The following JHY variants were observed in gnomAD, a reference collection of about 807,000 sequenced individuals.
JHY encodes the protein junctional cadherin complex regulator.
A neutral mutation model predicts 78.0 loss-of-function variants in JHY; 69 were observed. That is an observed-to-expected ratio of 0.88 (90% confidence interval 0.73 to 1.08). The LOEUF (loss-of-function observed/expected upper bound fraction) is 1.08, where lower values mean the gene tolerates loss of function less well. Ranked by LOEUF, JHY falls within the 50% of genes least tolerant of loss-of-function variation. The probability of loss-of-function intolerance (pLI) is 0.00; values close to 1 mark genes in which losing one functional copy is unlikely to be tolerated. For synonymous variants in JHY, 368 were observed against 342.6 expected (o/e 1.07, Z -0.82); for missense variants, 944 against 927.8 (o/e 1.02, Z -0.23).
chr11:122,889,558 C>A (rs1227813812), intron 2 of JHY, among the ~76,000 whole-genome samples: 1 of 152,032 alleles, frequency 6.6e-6, no homozygotes, highest in Non-Finnish European at 1.5e-5. Flanking sequence ...AAATATTACC[C>A]CAATTTATAA....
Position 122,935,164 on chromosome 11 carries a change from T to A in JHY, c.1634+89T>A. On this transcript the variant is annotated intron_variant, in intron 5 of 8. Coordinates refer to ENST00000227349, the MANE Select transcript of JHY (RefSeq NM_024806.4). This position sits in a 1 kb window ranked among gnomAD's most constrained non-coding sequence, Gnocchi z 4.5. ...GGGAGAGGAAGAAGGGGAAGGGGAA[T>A]CCATAAGGTGGCTAGGTGAGAAGAA... is the stretch of plus-strand genomic sequence containing the variant. The A allele has an allele frequency of 8.3e-7, 1 of 1,207,086 alleles. No individual in the cohort carries two copies. The highest frequency in any genetic ancestry group is 1.1e-6 in the Non-Finnish European group (1 of 875,154). The allele number at this position is 1,207,086 out of a possible 1,614,324, so 74.8% of individuals were successfully genotyped here.
intron 5 of JHY, among the ~76,000 whole-genome samples, chr11:122,938,986 CTT>C (rs61703024): frequency 1.6e-4 from 21 of 133,856 alleles, no homozygotes; most frequent in African/African-American, 3.8e-4. Flanking sequence ...CCTGCTTCTT[CTT>C]TTTTTTTTTT....
chr11:122,910,755 A>G (rs1454417932), intron 3 of JHY, among the ~76,000 whole-genome samples: 1 of 152,190 alleles, frequency 6.6e-6, no homozygotes, highest in Admixed American at 6.5e-5. Context: ...CACACCCCTG[A>G]TTGCTAACCT....
intron 3 of JHY, among the ~76,000 whole-genome samples, chr11:122,922,670 G>C (rs374915465): frequency 1.3e-4 from 20 of 151,840 alleles, no homozygotes; most frequent in Middle Eastern, 6.8e-3. Flanking sequence ...ATTAGCCGGG[G>C]GTGGTGGCAG....
chr11:122,912,116 G>A (rs534887943), intron 3 of JHY, among the ~76,000 whole-genome samples: 165 of 151,400 alleles, frequency 1.1e-3, no homozygotes, highest in African/African-American at 3.7e-3. Flanking sequence ...GTGAAACCCC[G>A]TCTATACTAA....
intron 4 of JHY, among the ~76,000 whole-genome samples, chr11:122,932,422 A>C (rs981182335): frequency 2.0e-5 from 3 of 152,224 alleles, no homozygotes; most frequent in Non-Finnish European, 2.9e-5. Context: ...AGGTAATAAC[A>C]TGATTAAGAT....
intron 2 of JHY, among the ~76,000 whole-genome samples, chr11:122,897,066 G>A (rs1383473804): frequency 6.6e-6 from 1 of 151,654 alleles, no homozygotes. Context: ...CATGTTGGCC[G>A]TGCTGATCTC....
intron 2 of JHY, among the ~76,000 whole-genome samples, chr11:122,888,881 T>C (rs1862550387): frequency 6.6e-6 from 1 of 152,236 alleles, no homozygotes; most frequent in Non-Finnish European, 1.5e-5. Context: ...CAATTATGCT[T>C]TTGAACTAAG....
intron 2 of JHY, among the ~76,000 whole-genome samples, chr11:122,893,402 C>T (rs920136117): frequency 2.6e-5 from 4 of 152,142 alleles, no homozygotes; most frequent in African/African-American, 7.2e-5. Context: ...GCTGAGTCCC[C>T]GCCAGAAATG....
rs59941995 is a variant in JHY, at chr11:122,911,905, C to CAAAAAAAA, written c.864+7484_864+7491dup. On this transcript the variant is annotated intron_variant, in intron 3 of 8. Coordinates refer to ENST00000227349, the MANE Select transcript of JHY (RefSeq NM_024806.4). ...GGGCAAGAAGAGCGAAACTCTGTCT[C>CAAAAAAAA]AAAAAAAAAAAAAAAAAAAAAAAAA... Among the ~76,000 whole-genome samples the CAAAAAAAA allele has an allele frequency of 5.6e-4, 28 of 49,734 alleles. 2 individuals carry two copies. The highest frequency in any genetic ancestry group is 1.5e-3 in the African/African-American group (19 of 12,362). 32.6% of individuals were successfully genotyped at this position (49,734 alleles called of 152,430 possible).
intron 2 of JHY, among the ~76,000 whole-genome samples, chr11:122,887,933 C>T (rs1209464030): frequency 6.6e-6 from 1 of 152,136 alleles, no homozygotes; most frequent in Admixed American, 6.5e-5. Flanking sequence ...TTACAGAACT[C>T]AAATGATTTG....
intron 2 of JHY, among the ~76,000 whole-genome samples, chr11:122,889,324 G>A (rs113005579): frequency 0.36 from 17,047 of 47,750 alleles, 1,064 homozygotes; most frequent in Non-Finnish European, 0.42. Flanking sequence ...TTGGCTTTCC[G>A]TATCCATGGT....
rs987272659 is a variant in JHY, at chr11:122,898,072, G to A, written c.345-5853G>A. ...TCCTCCTGTTTTAAATACCCATAAC[G>A]TCCTGTATTTCTTTACACATCGAAT... On this transcript the variant is annotated intron_variant, in intron 2 of 8. Transcript: ENST00000227349. The surrounding 1 kb of genome is among the most constrained non-coding windows in gnomAD (Gnocchi z 4.4). 3.3e-5 allele frequency among the ~76,000 whole-genome samples: 5 copies of A among 152,142 alleles called. No homozygotes were observed. Among genetic ancestry groups the A allele is most frequent in the Non-Finnish European group, 7.4e-5 (5 of 68,020 alleles).
In JHY at chr11:122,935,226, C is replaced by G; in HGVS notation, c.1634+151C>G. 1.6e-6 allele frequency: 1 copy of G among 632,962 alleles called. No individual in the cohort carries two copies. Among genetic ancestry groups the G allele is most frequent in the African/African-American group, 1.9e-5 (1 of 53,660 alleles). The allele number at this position is 632,962 out of a possible 1,614,324, so 39.2% of individuals were successfully genotyped here. On this transcript the variant is annotated intron_variant, in intron 5 of 8. Transcript: ENST00000227349. The surrounding 1 kb of genome is among the most constrained non-coding windows in gnomAD (Gnocchi z 4.5). ...ACAACTTCCTTAGCTCTGATTCCTG[C>G]CTCAAAGAGTCCACTTTTTTTTTTT...
intron 2 of JHY, among the ~76,000 whole-genome samples, chr11:122,903,625 C>T (rs111881592): frequency 2.6e-5 from 4 of 152,114 alleles, no homozygotes; most frequent in African/African-American, 7.2e-5. Context: ...ACTACAGGTA[C>T]GACACCATAC....
intron 6 of JHY, among the ~76,000 whole-genome samples, chr11:122,947,960 T>C (rs75963501): frequency 0.018 from 2,777 of 152,064 alleles, 76 homozygotes; most frequent in South Asian, 0.11. Context: ...TGGGGAAGGG[T>C]GGTCACTTTG....
chr11:122,958,548 GT>G (rs895916875), intron 8 of JHY: 15 of 180,734 alleles, frequency 8.3e-5, no homozygotes, highest in East Asian at 3.8e-4. Context: ...ATTTTAGAGG[GT>G]TTTTTTTTCC....
In JHY at chr11:122,959,650, ATTAT is replaced by A; in HGVS notation, c.*212_*215del. The A allele has an allele frequency of 1.9e-6, 1 of 538,936 alleles. No individual in the cohort carries two copies. Among genetic ancestry groups the A allele is most frequent in the South Asian group, 2.6e-5 (1 of 38,906 alleles). The allele number at this position is 538,936 out of a possible 1,614,324, so 33.4% of individuals were successfully genotyped here. ...ACTTTCTAGGAAGAAAATTTTTTAAATTATTTATTTTCAAATCAGTTAGAATTGG... is the reference window on the plus strand; with the variant it reads ...ACTTTCTAGGAAGAAAATTTTTTAAATTATTTTCAAATCAGTTAGAATTGG... On this transcript the variant is annotated 3_prime_UTR_variant, in exon 9 of 9. Transcript: ENST00000227349.
intron 3 of JHY, among the ~76,000 whole-genome samples, chr11:122,921,511 C>T (rs1863365597): frequency 6.6e-6 from 1 of 152,144 alleles, no homozygotes; most frequent in Admixed American, 6.6e-5. Context: ...TTACTCTTGA[C>T]CTTCATTTCT....
Sources: gnomAD v4.1 joint callset for allele counts (sites outside exome capture counted in the v4.1 genomes callset) on GRCh38, gnomAD v4.1.1 for gene constraint, Gnocchi (gnomAD v3.1) non-coding constraint, MANE v1.5 for transcripts, NCBI Gene and HGNC (gene_info 2026-07-23, HGNC 2026-07-21) for gene names.